The following ATG13 variants were observed in gnomAD, a reference collection of about 807,000 sequenced individuals.
ATG13 encodes the protein autophagy-related protein 13.
Under a neutral mutation model 65.5 loss-of-function variants are expected in ATG13, and 23 were observed. That is an observed-to-expected ratio of 0.35 (90% CI 0.25 to 0.50). The LOEUF is 0.50. Ranked by LOEUF, ATG13 falls within the 20% of genes least tolerant of loss-of-function variation. The pLI, the probability that ATG13 is intolerant of heterozygous loss-of-function variation, is 0.98. For synonymous variants in ATG13, 252 were observed against 245.2 expected (o/e 1.03, Z -0.26); for missense variants, 566 against 677.0 (o/e 0.84, Z 1.82).
intron 1 of ATG13, chr11:46,625,199 C>T (rs2049070112): frequency 6.8e-6 from 1 of 146,160 alleles, no homozygotes; most frequent in Admixed American, 6.8e-5. Context: ...TCACAAAAGG[C>T]ATATGAATTG....
At chr11:46,618,537 A>G (rs2046119152) in intron 1 of ATG13, among the ~76,000 whole-genome samples, 1 of 152,204 alleles carries the variant, frequency 6.6e-6, no homozygotes, top group African/African-American at 2.4e-5. Context: ...AGAGATTTTA[A>G]AAAATTACCT....
chr11:46,617,661 T>C lies in ATG13; in HGVS notation c.-299T>C, dbSNP rs2045733023. 2 of 366,008 alleles carry C rather than the reference T, an allele frequency of 5.5e-6. No homozygotes were observed. The highest frequency in any genetic ancestry group is 3.0e-4 in the South Asian group (2 of 6,684). The allele number at this position is 366,008 out of a possible 1,614,324, so 22.7% of individuals were successfully genotyped here. A position where few individuals can be genotyped will look rare whatever the true frequency, so the allele number is the denominator to read the frequency against. ...ACCGCTTAACCAGTGAGGGAAGCACTGAAGAGCGCCAGTCGACGTGGGTGC... is the reference window on the plus strand; with the variant it reads ...ACCGCTTAACCAGTGAGGGAAGCACCGAAGAGCGCCAGTCGACGTGGGTGC... On this transcript the variant is annotated 5_prime_UTR_variant, in exon 1 of 19. Coordinates refer to ENST00000683050, the MANE Select transcript of ATG13 (RefSeq NM_001346311.2).
chr11:46,667,930 T>A (rs2062741968), intron 15 of ATG13, 43 bp downstream of exon 15: 2 of 1,491,856 alleles, frequency 1.3e-6, no homozygotes, highest in Admixed American at 3.4e-5. Flanking sequence ...GTCTGAGTTC[T>A]TAGAGTAAGG....
At chr11:46,639,893 C>A (rs1246909525) in intron 2 of ATG13, among the ~76,000 whole-genome samples, 1 of 149,750 alleles carries the variant, frequency 6.7e-6, no homozygotes, top group Admixed American at 6.7e-5. Flanking sequence ...TTGCTCTGTC[C>A]CCCATGTTGG....
intron 13 of ATG13, 40 bp from the exon 14 acceptor site, chr11:46,665,343 C>T: frequency 6.3e-7 from 1 of 1,598,704 alleles, no homozygotes; most frequent in African/African-American, 1.3e-5. Flanking sequence ...TCCTGCCTGG[C>T]ATGCCATGAT....
At chr11:46,667,675 GC>G (rs1234970847) in intron 14 of ATG13, 97 bp from the exon 15 acceptor site, 1 of 891,188 alleles carries the variant, frequency 1.1e-6, no homozygotes, top group African/African-American at 1.7e-5. Context: ...ACCAACTCCT[GC>G]CCTAGGCCAC....
At chr11:46,634,102 TTTC>T (rs2053010093) in intron 2 of ATG13, among the ~76,000 whole-genome samples, 1 of 151,958 alleles carries the variant, frequency 6.6e-6, no homozygotes, top group Non-Finnish European at 1.5e-5. Flanking sequence ...GGATTTTTTT[TTTC>T]TTTTTTTTTG....
chr11:46,649,473 T>G (rs944748133), intron 6 of ATG13, among the ~76,000 whole-genome samples: 2 of 152,226 alleles, frequency 1.3e-5, no homozygotes, highest in African/African-American at 2.4e-5. Flanking sequence ...GTTCTCTGAT[T>G]AAATCCCTTG....
intron 2 of ATG13, among the ~76,000 whole-genome samples, chr11:46,643,305 A>T (rs1306288982): frequency 6.6e-6 from 1 of 152,142 alleles, no homozygotes; most frequent in Non-Finnish European, 1.5e-5. Context: ...GAGGTCTTCT[A>T]CTACTTTTAT....
At chr11:46,665,213 T>G in intron 13 of ATG13, among the ~76,000 whole-genome samples, 170 bp from the exon 14 acceptor site, 1 of 152,230 alleles carries the variant, frequency 6.6e-6, no homozygotes, top group East Asian at 1.9e-4. Context: ...ACCGTGCATT[T>G]CTTCCATTAA....
At chr11:46,629,035 T>C (rs2050735547) in intron 1 of ATG13, among the ~76,000 whole-genome samples, 1 of 151,622 alleles carries the variant, frequency 6.6e-6, no homozygotes, top group African/African-American at 2.4e-5. Flanking sequence ...CTCCTCCTCC[T>C]GGGCTCAAGA....
intron 2 of ATG13, chr11:46,632,384 TAGC>T (rs1295170498): frequency 2.0e-4 from 31 of 152,206 alleles, no homozygotes; most frequent in African/African-American, 7.5e-4. Context: ...TTCAGCATAT[TAGC>T]AGGAAAGAGG....
chr11:46,666,124 A>T (rs1284085251), intron 14 of ATG13, among the ~76,000 whole-genome samples: 1 of 152,130 alleles, frequency 6.6e-6, no homozygotes, highest in African/African-American at 2.4e-5. Flanking sequence ...TATTTTTTTT[A>T]AATGAAAGAG....
intron 13 of ATG13, 83 bp from the exon 14 acceptor site, chr11:46,665,300 C>A: frequency 6.6e-7 from 1 of 1,515,656 alleles, no homozygotes; most frequent in Non-Finnish European, 9.0e-7. Flanking sequence ...AAGTCAAAAG[C>A]AGATACCATC....
intron 7 of ATG13, among the ~76,000 whole-genome samples, chr11:46,653,701 C>G (rs2059399003): frequency 1.3e-5 from 2 of 151,776 alleles, no homozygotes; most frequent in East Asian, 3.9e-4. Flanking sequence ...TCCCGAGTAG[C>G]TGGGACTACA....
rs750958461 is a variant in ATG13 at position 46,644,265 on chromosome 11, C to CTTT, written c.-13-5_-13-3dup. 5 of 1,164,462 alleles carry CTTT rather than the reference C, an allele frequency of 4.3e-6. No homozygotes were observed. Among genetic ancestry groups the CTTT allele is most frequent in the Admixed American group, 2.4e-5 (1 of 41,196 alleles). 72.1% of individuals were successfully genotyped at this position (1,164,462 alleles called of 1,614,324 possible). On this transcript the variant is annotated splice_polypyrimidine_tract_variant and intron_variant, in intron 2 of 18. Transcript: ENST00000683050. The stretch of plus-strand genomic sequence containing the variant: ...AAAGATATTAGTCATATTTTTTTCA[C>CTTT]TTTTTTTTTTTAGATTCCTATAGGC...
chr11:46,628,406 C>T (rs1037714436), intron 1 of ATG13, among the ~76,000 whole-genome samples: 1 of 151,874 alleles, frequency 6.6e-6, no homozygotes, highest in Non-Finnish European at 1.5e-5. Context: ...CAAAAAAAAC[C>T]TGAAAACAAA....
Position 46,665,701 on chromosome 11 carries a change from T to C in ATG13, c.1136+182T>C, listed in dbSNP as rs572557341. On this transcript the variant is annotated intron_variant, in intron 14 of 18. Coordinates refer to ENST00000683050, the MANE Select transcript of ATG13 (RefSeq NM_001346311.2). ...GCTCACACCTATAATCCCAGCACTT[T>C]GGGAGGCCAAGGTGGGAGGATTGCC... 2.0e-5 allele frequency among the ~76,000 whole-genome samples: 3 copies of C among 151,252 alleles called. No individual in the cohort carries two copies. In the South Asian group the frequency reaches 6.4e-4, roughly 32 times the overall value.
intron 1 of ATG13, among the ~76,000 whole-genome samples, chr11:46,620,109 C>G (rs1439518501): frequency 6.6e-6 from 1 of 151,156 alleles, no homozygotes. Context: ...TTGTTTTTTG[C>G]AATGGAGTTT....
Sources: allele counts gnomAD v4.1 joint callset (sites outside exome capture counted in the v4.1 genomes callset), GRCh38; gene constraint gnomAD v4.1.1; transcripts MANE v1.5; gene names NCBI Gene and HGNC (gene_info 2026-07-23, HGNC 2026-07-21).